COL6A6: variants seen among roughly 807,000 people sequenced by gnomAD.
COL6A6 encodes the protein collagen type VI alpha 6 chain.
Under a neutral mutation model 208.6 loss-of-function variants are expected in COL6A6, and 183 were observed. The ratio of observed to expected loss-of-function variants is 0.88; its 90% CI spans 0.78 to 0.99. COL6A6 has a LOEUF of 0.99. Ranked by LOEUF, COL6A6 falls within the 50% of genes least tolerant of loss-of-function variation. The pLI is 0.00. For synonymous variants in COL6A6, 973 were observed against 1,011.8 expected (o/e 0.96, Z 0.73); for missense variants, 2,816 against 2,815.2 (o/e 1.00, Z -0.01).
At chr3:130,572,970 T>C (rs1173390475) in intron 7 of COL6A6, among the ~76,000 whole-genome samples, 1 of 152,218 alleles carries the variant, frequency 6.6e-6, no homozygotes, top group Non-Finnish European at 1.5e-5. Flanking sequence ...CAGTGGTCTC[T>C]CATGTTCTTC....
At chr3:130,562,959 G>A in intron 2 of COL6A6, 109 bp from the exon 3 acceptor site, 1 of 750,422 alleles carries the variant, frequency 1.3e-6, no homozygotes. Context: ...TATTGGGAAG[G>A]TATTTTAAAA....
chr3:130,596,580 C>T (rs1447660049), intron 18 of COL6A6, among the ~76,000 whole-genome samples: 1 of 152,092 alleles, frequency 6.6e-6, no homozygotes, highest in Non-Finnish European at 1.5e-5. Context: ...CTTAGGAAAG[C>T]ATGTAAATGA....
chr3:130,596,184 A>G (rs1199816789), intron 18 of COL6A6, among the ~76,000 whole-genome samples: 17 of 152,228 alleles, frequency 1.1e-4, no homozygotes. Flanking sequence ...ATCTTCTGAT[A>G]ATGGTGTCCT....
At chr3:130,634,471 T>C (rs965560885) in intron 26 of COL6A6, 119 bp from the exon 27 acceptor site, 1 of 783,278 alleles carries the variant, frequency 1.3e-6, no homozygotes, top group Non-Finnish European at 2.1e-6. Flanking sequence ...TCAATTGTTT[T>C]GGCCCTTCCT....
At chr3:130,562,932 G>A in intron 2 of COL6A6, 136 bp from the exon 3 acceptor site, 1 of 602,854 alleles carries the variant, frequency 1.7e-6, no homozygotes, top group Non-Finnish European at 2.9e-6. Context: ...TGCAGTTGCA[G>A]GCTATTATTT....
In COL6A6 at chr3:130,661,849, C is replaced by G. The variant is rs745498033; in HGVS notation, c.6043C>G (p.His2015Asp). The G allele has an allele frequency of 1.9e-6, 3 of 1,613,922 alleles. No homozygotes were observed. The South Asian group carries it at 3.3e-5, about 18-fold the overall frequency. Residue 2015 changes from histidine (H) to aspartate (D), a missense_variant, in exon 35 of 37, where the codon CAT (histidine) becomes GAT (aspartate). Transcript: ENST00000358511. ...TGGAGACCGGGTGGCCCTATTGAGCCATGCTCCCCCCGACTTCCTACCCAA... is the reference window on the plus strand; with the variant it reads ...TGGAGACCGGGTGGCCCTATTGAGCGATGCTCCCCCCGACTTCCTACCCAA... ...VTGDRVALLS[H>D]APPDFLPNTQ...
intron 1 of COL6A6, among the ~76,000 whole-genome samples, chr3:130,555,871 T>C (rs1418579026): frequency 6.6e-6 from 1 of 152,170 alleles, no homozygotes; most frequent in Non-Finnish European, 1.5e-5. Context: ...CTCAACTTGA[T>C]AGTGGTGTAT....
intron 27 of COL6A6, 151 bp from the exon 28 acceptor site, chr3:130,635,548 T>A: frequency 3.4e-6 from 2 of 580,024 alleles, no homozygotes; most frequent in Non-Finnish European, 6.1e-6. Context: ...GTTACACAAA[T>A]GGAAACACAC....
At chr3:130,566,324 T>C (rs1209050234) in intron 4 of COL6A6, among the ~76,000 whole-genome samples, 9 of 152,210 alleles carry the variant, frequency 5.9e-5, no homozygotes, top group Non-Finnish European at 4.4e-5. Flanking sequence ...GGGCCCACAA[T>C]GTCCAGTTAA....
rs571058616 is a variant in COL6A6, at chr3:130,638,585, G to A, written c.5091+2824G>A. ...TCTTGTTGGATTTCTCCCTTGTTTC[G>A]TGGAAAACTCATCCAGTAGCCTGCT... On this transcript the variant is annotated intron_variant, in intron 28 of 36. Transcript: ENST00000358511. 3.3e-5 allele frequency among the ~76,000 whole-genome samples: 5 copies of A among 152,188 alleles called. No homozygotes were observed. The South Asian group carries it at 6.2e-4, about 19-fold the overall frequency.
rs182450314 is a variant in COL6A6 at position 130,624,344 on chromosome 3, G to C, written c.4879-2141G>C. 2.6e-5 allele frequency among the ~76,000 whole-genome samples: 4 copies of C among 152,224 alleles called. No homozygotes were observed. The East Asian group carries it at 7.7e-4, about 29-fold the overall frequency. ...ATGAGCTTGAGGGCCTGAGAAAAGG[G>C]GTTAACTTTGTACTGAAGAATTGTT... On this transcript the variant is annotated intron_variant, in intron 24 of 36. Coordinates refer to ENST00000358511, the MANE Select transcript of COL6A6 (RefSeq NM_001102608.3).
chr3:130,574,941 C>G (rs1211461377), intron 8 of COL6A6, among the ~76,000 whole-genome samples: 1 of 152,128 alleles, frequency 6.6e-6, no homozygotes, highest in Non-Finnish European at 1.5e-5. Flanking sequence ...AGAAACCTCC[C>G]TAGAGGTTTA....
intron 5 of COL6A6, among the ~76,000 whole-genome samples, chr3:130,567,588 G>A (rs2063058641): frequency 6.6e-6 from 1 of 152,148 alleles, no homozygotes. Flanking sequence ...AGTTCTTCAG[G>A]TTTATATGAA....
At chr3:130,662,938 T>A (rs969931797) in intron 35 of COL6A6, among the ~76,000 whole-genome samples, 3 of 152,212 alleles carry the variant, frequency 2.0e-5, no homozygotes, top group Non-Finnish European at 2.9e-5. Flanking sequence ...CTTGAAAATA[T>A]GCAATCCATT....
chr3:130,650,323 TTTAAA>T (rs1232471635), intron 33 of COL6A6, among the ~76,000 whole-genome samples: 2 of 151,912 alleles, frequency 1.3e-5, no homozygotes, highest in African/African-American at 2.4e-5. Context: ...CATTGGAAAA[TTTAAA>T]TTAAAAGTCC....
intron 28 of COL6A6, among the ~76,000 whole-genome samples, chr3:130,639,292 C>T (rs2065243133): frequency 6.6e-6 from 1 of 151,826 alleles, no homozygotes; most frequent in Non-Finnish European, 1.5e-5. Context: ...TCTTTTTTGC[C>T]CAACATAGTC....
In COL6A6 at chr3:130,661,814, C is replaced by T. The variant is rs1006132624; in HGVS notation, c.6008C>T (p.Thr2003Ile). 1.2e-6 allele frequency: 2 copies of T among 1,613,886 alleles called. No individual in the cohort carries two copies. Among genetic ancestry groups the T allele is most frequent in the Non-Finnish European group, 1.7e-6 (2 of 1,179,906 alleles). ...DHFEITPEPE[T>I]SVTGDRVALL... ...TTTGAAATCACCCCAGAGCCGGAGA[C>T]TTCTGTCACTGGAGACCGGGTGGCC... Residue 2003 changes from threonine to isoleucine, a missense_variant, in exon 35 of 37, where the codon ACT becomes ATT. Coordinates refer to ENST00000358511, the MANE Select transcript of COL6A6 (RefSeq NM_001102608.3).
Position 130,590,910 on chromosome 3 carries a change from G to A in COL6A6, c.4219-131G>A, listed in dbSNP as rs2063698054. 1.4e-5 allele frequency: 10 copies of A among 710,108 alleles called. No homozygotes were observed. The East Asian group carries it at 2.7e-4, about 19-fold the overall frequency. 44.0% of individuals were successfully genotyped at this position (710,108 alleles called of 1,614,324 possible). ...ATGTGTGTAAATGCAACCTACATTG[G>A]GAAGGAAGGACCATTTTTTTCAAAC... On this transcript the variant is annotated intron_variant, in intron 12 of 36. Transcript: ENST00000358511.
At chr3:130,528,285 G>A (rs377565090) in intron 1 of COL6A6, among the ~76,000 whole-genome samples, 5 of 152,080 alleles carry the variant, frequency 3.3e-5, no homozygotes, top group Admixed American at 3.3e-4. Flanking sequence ...ATGGGGCAGG[G>A]CTTTTCAAAC....
Sources: allele counts gnomAD v4.1 joint callset (sites outside exome capture counted in the v4.1 genomes callset), GRCh38; gene constraint gnomAD v4.1.1; transcripts MANE v1.5; gene names NCBI Gene and HGNC (gene_info 2026-07-23, HGNC 2026-07-21).